The following DNAH8 variants were observed in gnomAD, a reference collection of about 807,000 sequenced individuals.
DNAH8 encodes the protein axonemal beta dynein heavy chain 8.
In DNAH8, 382 loss-of-function variants were observed where a neutral mutation model predicts 562.1. That is an observed-to-expected ratio of 0.68 (90% CI 0.63 to 0.74). The LOEUF (loss-of-function observed/expected upper bound fraction) is 0.74, where lower values mean the gene tolerates loss of function less well. Ranked by LOEUF, DNAH8 falls within the 30% of genes least tolerant of loss-of-function variation. The probability of loss-of-function intolerance (pLI) is 0.00; values close to 1 mark genes in which losing one functional copy is unlikely to be tolerated. For synonymous variants in DNAH8, 1,881 were observed against 1,919.4 expected, an observed-to-expected ratio of 0.98 and a Z score of 0.52; for missense variants, 5,203 against 5,620.4, an observed-to-expected ratio of 0.93 and a Z score of 2.37.
chr6:38,896,348 A>T, intron 60 of DNAH8, 123 bp downstream of exon 60: 1 of 759,540 alleles, frequency 1.3e-6, no homozygotes, highest in Non-Finnish European at 2.1e-6. Flanking sequence ...CTGAGGTGGG[A>T]GGATTGCTTG....
chr6:38,826,453 C>A, intron 29 of DNAH8, 62 bp downstream of exon 29: 2 of 1,021,738 alleles, frequency 2.0e-6, no homozygotes, highest in Non-Finnish European at 3.0e-6. Context: ...GAAATAGAGA[C>A]ACACTAAGAA....
At chr6:38,955,969 G>T (rs1470776816) in intron 82 of DNAH8, among the ~76,000 whole-genome samples, 7 of 152,156 alleles carry the variant, frequency 4.6e-5, no homozygotes, top group Admixed American at 3.3e-4. Flanking sequence ...GCCCTTTTTG[G>T]CCTTGAGCCT....
At chr6:38,779,161 G>C (rs145078996) in intron 14 of DNAH8, among the ~76,000 whole-genome samples, 233 of 152,310 alleles carry the variant, frequency 1.5e-3, no homozygotes, top group African/African-American at 5.3e-3. Flanking sequence ...CTCAAGACCT[G>C]TGTCAGGGAC....
chr6:38,892,211 G>C (rs189766617), intron 58 of DNAH8, among the ~76,000 whole-genome samples: 4 of 151,882 alleles, frequency 2.6e-5, no homozygotes, highest in African/African-American at 9.7e-5. Flanking sequence ...TCCCTAGGTG[G>C]CCTCATCAAG....
intron 39 of DNAH8, 89 bp from the exon 40 acceptor site, chr6:38,852,605 T>TA: frequency 1.1e-6 from 1 of 938,032 alleles, no homozygotes; most frequent in East Asian, 2.6e-5. Flanking sequence ...CTTAACCTTT[T>TA]AAAAAGATAC....
intron 5 of DNAH8, among the ~76,000 whole-genome samples, chr6:38,734,838 A>G (rs1393328046): frequency 6.6e-6 from 1 of 152,146 alleles, no homozygotes; most frequent in Non-Finnish European, 1.5e-5. Flanking sequence ...ATTTCATGAA[A>G]ATTTCATTTC....
At chr6:38,981,159 C>G (rs1301475707) in intron 85 of DNAH8, among the ~76,000 whole-genome samples, 1 of 151,970 alleles carries the variant, frequency 6.6e-6, no homozygotes, top group Non-Finnish European at 1.5e-5. Context: ...AGGGATTCTA[C>G]TCTCCACATG....
chr6:38,828,707 G>C (rs1221415034), intron 30 of DNAH8, among the ~76,000 whole-genome samples: 8 of 152,192 alleles, frequency 5.3e-5, no homozygotes, highest in Admixed American at 5.2e-4. Context: ...ATGTGAGACT[G>C]TAAATTATTT....
At chr6:38,949,733 T>G (rs1192002000) in intron 81 of DNAH8, among the ~76,000 whole-genome samples, 163 bp downstream of exon 81, 1 of 152,236 alleles carries the variant, frequency 6.6e-6, no homozygotes, top group Admixed American at 6.5e-5. Flanking sequence ...ATGTATGTAC[T>G]TCCAAATTAT....
In DNAH8 at chr6:38,738,194, TAAC is replaced by T. The variant is rs1764251277; in HGVS notation, c.1116+225_1116+227del. Among the ~76,000 whole-genome samples, 4 of 152,172 alleles carry T rather than the reference TAAC, an allele frequency of 2.6e-5. No homozygotes were observed. The South Asian group carries it at 8.3e-4, about 31-fold the overall frequency. On this transcript the variant is annotated intron_variant, in intron 7 of 92. Transcript: ENST00000327475. ...ATTTCTCACTTCAAGGAAGAAACCA[TAAC>T]AATATGGGTTGAGAATGAAAGAATG...
chr6:38,735,342 A>G (rs974355710), intron 5 of DNAH8, among the ~76,000 whole-genome samples: 1 of 152,160 alleles, frequency 6.6e-6, no homozygotes, highest in African/African-American at 2.4e-5. Context: ...CTTTTCTGTT[A>G]TGATAAAAGA....
At chr6:38,832,228 A>G (rs1047446465) in intron 30 of DNAH8, 94 bp from the exon 31 acceptor site, 15 of 724,362 alleles carry the variant, frequency 2.1e-5, no homozygotes, top group African/African-American at 7.1e-5. Flanking sequence ...TTCATATAGG[A>G]TATCTGTGAG....
chr6:38,884,780 CTATT>C (rs1331938540), intron 56 of DNAH8, among the ~76,000 whole-genome samples: 7 of 152,234 alleles, frequency 4.6e-5, no homozygotes, highest in African/African-American at 9.6e-5. Flanking sequence ...AACCAAACAA[CTATT>C]TATTTATTTA....
Position 39,003,344 on chromosome 6 carries a change from A to G in DNAH8, c.13215-5470A>G, listed in dbSNP as rs113653807. 2.1e-3 allele frequency among the ~76,000 whole-genome samples: 325 copies of G among 152,328 alleles called. 4 individuals are homozygous for G. Among genetic ancestry groups the G allele is most frequent in the African/African-American group, 7.4e-3 (306 of 41,582 alleles). ...AACCTGAAATATTTGTCCCTGATTT[A>G]TCTCTGTTAACTTCTTGACAACTGT... On this transcript the variant is annotated intron_variant, in intron 88 of 92. Transcript: ENST00000327475.
At chr6:38,821,092 A>C (rs565877416) in intron 26 of DNAH8, among the ~76,000 whole-genome samples, 1 of 152,310 alleles carries the variant, frequency 6.6e-6, no homozygotes, top group South Asian at 2.1e-4. Flanking sequence ...AAATAACCTA[A>C]GGAATCAACC....
intron 82 of DNAH8, 25 bp downstream of exon 82, chr6:38,951,545 T>C (rs1173168838): frequency 6.3e-7 from 1 of 1,581,928 alleles, no homozygotes; most frequent in Non-Finnish European, 8.6e-7. Flanking sequence ...CTACAAAATG[T>C]AGCAACACTT....
Position 38,783,009 on chromosome 6 carries a change from C to A in DNAH8, c.2265C>A (p.Asn755Lys). Residue 755 changes from asparagine (N) to lysine (K), a missense_variant, in exon 17 of 93, where the codon AAC becomes AAA. Physicochemically the swap from Asn to Lys is moderately conservative, Grantham distance 94. This residue lies in a region of DNAH8 where 2,176 missense variants were observed against 2,365.1 expected (regional missense o/e 0.92). Coordinates refer to ENST00000327475, the MANE Select transcript of DNAH8 (RefSeq NM_001206927.2). ...ISEPINYFFK[N>K]SDILSSPDGK... ...CTTTTCCCTTAAAAAAACAGAAAAACTCAGACATTTTATCAAGTCCGGACG... is the reference window on the plus strand; with the variant it reads ...CTTTTCCCTTAAAAAAACAGAAAAAATCAGACATTTTATCAAGTCCGGACG... The A allele has an allele frequency of 6.2e-7, 1 of 1,610,436 alleles. No homozygotes were observed. Among genetic ancestry groups the A allele is most frequent in the Non-Finnish European group, 8.5e-7 (1 of 1,179,020 alleles).
intron 53 of DNAH8, among the ~76,000 whole-genome samples, chr6:38,878,458 A>G (rs1351598961): frequency 6.6e-6 from 1 of 152,186 alleles, no homozygotes; most frequent in East Asian, 1.9e-4. Context: ...TAAGCAGAAG[A>G]AAGAACCATG....
At chr6:38,781,765 CAA>C (rs1215953923) in intron 16 of DNAH8, among the ~76,000 whole-genome samples, 1 of 152,030 alleles carries the variant, frequency 6.6e-6, no homozygotes, top group Non-Finnish European at 1.5e-5. Context: ...AAGATAAAGC[CAA>C]AGAGTGTATT....
Sources: gnomAD v4.1 joint callset for allele counts (sites outside exome capture counted in the v4.1 genomes callset) on GRCh38, gnomAD v4.1.1 for gene constraint, gnomAD v4.1.1 regional missense constraint, MANE v1.5 for transcripts, NCBI Gene and HGNC (gene_info 2026-07-23, HGNC 2026-07-21) for gene names.